MACROD2: variants seen among roughly 807,000 people sequenced by gnomAD.
The protein encoded by MACROD2 is ADP-ribose glycohydrolase MACROD2.
In MACROD2, 36 loss-of-function variants were observed where a neutral mutation model predicts 70.4. The observed-to-expected ratio is 0.51, with a 90% confidence interval of 0.39 to 0.68. The LOEUF is 0.68. Ranked by LOEUF, MACROD2 falls within the 30% of genes least tolerant of loss-of-function variation. The pLI, the probability that MACROD2 is intolerant of heterozygous loss-of-function variation, is 0.00. For missense variants in MACROD2, 496 were observed against 538.4 expected (o/e 0.92, Z 0.78); for synonymous variants, 172 against 178.8 (o/e 0.96, Z 0.30).
At chr20:14,416,272 T>C (rs2083804341) in intron 3 of MACROD2, among the ~76,000 whole-genome samples, 1 of 152,132 alleles carries the variant, frequency 6.6e-6, no homozygotes. Context: ...TGGCCTCTAT[T>C]TTTTTAGCTT....
intron 2 of MACROD2, among the ~76,000 whole-genome samples, chr20:14,038,520 C>T (rs999237190): frequency 6.6e-6 from 1 of 152,184 alleles, no homozygotes; most frequent in Non-Finnish European, 1.5e-5. Flanking sequence ...GAACCCAGAC[C>T]TTCTATCCTC....
chr20:14,301,834 G>A (rs2082477658), intron 3 of MACROD2, among the ~76,000 whole-genome samples: 1 of 151,878 alleles, frequency 6.6e-6, no homozygotes, highest in African/African-American at 2.4e-5. Flanking sequence ...ATAGATTTCT[G>A]GAAAGCAATT....
At chr20:15,294,140 A>C (rs1047538591) in intron 6 of MACROD2, among the ~76,000 whole-genome samples, 1 of 150,544 alleles carries the variant, frequency 6.6e-6, no homozygotes, top group African/African-American at 2.4e-5. Flanking sequence ...AAAAAAAAAA[A>C]ATTCAGGAGT....
chr20:14,990,263 G>A (rs1051640324), intron 5 of MACROD2, among the ~76,000 whole-genome samples: 5 of 152,068 alleles, frequency 3.3e-5, no homozygotes, highest in African/African-American at 1.2e-4. Flanking sequence ...GATAAAAAAT[G>A]TTGCCTTTGG....
chr20:15,017,070 T>A (rs2075127467), intron 5 of MACROD2, among the ~76,000 whole-genome samples: 1 of 152,126 alleles, frequency 6.6e-6, no homozygotes, highest in Non-Finnish European at 1.5e-5. Flanking sequence ...AAGTCTTAGC[T>A]CATTTCAGCA....
intron 4 of MACROD2, among the ~76,000 whole-genome samples, chr20:14,566,147 T>C (rs757227972): frequency 7.9e-5 from 12 of 151,838 alleles, no homozygotes; most frequent in Admixed American, 5.9e-4. Context: ...TTCCATAATA[T>C]ACAAAGAGTT....
At chr20:15,474,169 C>T (rs949404263) in intron 7 of MACROD2, among the ~76,000 whole-genome samples, 3 of 152,146 alleles carry the variant, frequency 2.0e-5, no homozygotes, top group Admixed American at 2.0e-4. Context: ...TGTAAGAGCT[C>T]GATATACATT....
intron 4 of MACROD2, among the ~76,000 whole-genome samples, chr20:14,518,831 G>A (rs548069496): frequency 9.2e-5 from 14 of 152,292 alleles, no homozygotes; most frequent in Admixed American, 5.9e-4. Flanking sequence ...GCAGTTAAGA[G>A]AGGAAGCACA....
At chr20:15,081,320 CAG>C (rs1442480526) in intron 5 of MACROD2, among the ~76,000 whole-genome samples, 3 of 152,114 alleles carry the variant, frequency 2.0e-5, no homozygotes, top group South Asian at 2.1e-4. Flanking sequence ...GTAGTTCTGA[CAG>C]AGATTTTTAT....
In MACROD2 at chr20:14,517,741, T is replaced by C. The variant is rs554579215; in HGVS notation, c.301+24233T>C. Among the ~76,000 whole-genome samples the C allele has an allele frequency of 3.0e-4, 46 of 152,296 alleles. No individual in the cohort carries two copies. The East Asian group carries it at 8.7e-3, about 29-fold the overall frequency. ...AGGATGAGGTAGAAGTTCATTTTTT[T>C]CCACATGTATGCCATTTATCAGTGC... On this transcript the variant is annotated intron_variant, in intron 4 of 17. Coordinates refer to ENST00000684519, the MANE Select transcript of MACROD2 (RefSeq NM_001351661.2).
intron 4 of MACROD2, among the ~76,000 whole-genome samples, chr20:14,577,692 C>A (rs181781131): frequency 6.6e-6 from 1 of 151,700 alleles, no homozygotes; most frequent in African/African-American, 2.4e-5. Flanking sequence ...TGAGGGAGGA[C>A]GATCACTTGA....
chr20:14,223,883 T>C (rs1188792601), intron 3 of MACROD2, among the ~76,000 whole-genome samples: 18 of 152,168 alleles, frequency 1.2e-4, no homozygotes. Context: ...AAGAGGCTTA[T>C]TGATGGCTCA....
chr20:15,510,537 G>A, intron 8 of MACROD2, among the ~76,000 whole-genome samples: 1 of 152,148 alleles, frequency 6.6e-6, no homozygotes, highest in Non-Finnish European at 1.5e-5. Context: ...TTTCAGCCAG[G>A]CTGCTGTTTC....
chr20:15,797,889 T>A (rs1157482751), intron 8 of MACROD2, among the ~76,000 whole-genome samples: 1 of 152,188 alleles, frequency 6.6e-6, no homozygotes, highest in Admixed American at 6.5e-5. Flanking sequence ...CAAGTGATAG[T>A]GATGCTGTTA....
At position 15,550,082 on chromosome 20, in the gene MACROD2, G is replaced by A. The variant is rs145889481; in HGVS notation, c.645+50235G>A. The stretch of plus-strand genomic sequence containing the variant: ...AATGATGTTTTCTGGTTTTGTTTTT[G>A]TTAATAGAGTATCTTTATTAATACA... On this transcript the variant is annotated intron_variant, in intron 8 of 17. Coordinates refer to ENST00000684519, the MANE Select transcript of MACROD2 (RefSeq NM_001351661.2). Among the ~76,000 whole-genome samples the A allele has an allele frequency of 9.6e-4, 146 of 151,914 alleles. 1 individual carries two copies. The highest frequency in any genetic ancestry group is 6.4e-3 in the Admixed American group (98 of 15,258).
At chr20:14,120,087 C>T (rs2054565957) in intron 3 of MACROD2, among the ~76,000 whole-genome samples, 1 of 151,702 alleles carries the variant, frequency 6.6e-6, no homozygotes, top group Non-Finnish European at 1.5e-5. Context: ...GTGGTGAGCA[C>T]CTGTAATCCT....
chr20:14,589,343 C>G (rs1981607121), intron 4 of MACROD2, among the ~76,000 whole-genome samples: 2 of 152,044 alleles, frequency 1.3e-5, no homozygotes, highest in Admixed American at 1.3e-4. Flanking sequence ...GTTTTTGAAG[C>G]AGTGTTAGCA....
chr20:14,543,784 A>G (rs2085460454), intron 4 of MACROD2, among the ~76,000 whole-genome samples: 1 of 152,236 alleles, frequency 6.6e-6, no homozygotes, highest in Non-Finnish European at 1.5e-5. Flanking sequence ...TCTTTGAAGC[A>G]CAAGTCCTTC....
chr20:14,813,001 A>G (rs1246670417), intron 5 of MACROD2, among the ~76,000 whole-genome samples: 1 of 152,024 alleles, frequency 6.6e-6, no homozygotes, highest in Non-Finnish European at 1.5e-5. Context: ...TGGCTCACAG[A>G]ACACAGGGAC....
Sources: allele counts gnomAD v4.1 joint callset (sites outside exome capture counted in the v4.1 genomes callset), GRCh38; gene constraint gnomAD v4.1.1; transcripts MANE v1.5; gene names NCBI Gene and HGNC (gene_info 2026-07-23, HGNC 2026-07-21).